USP38: variants seen among roughly 807,000 people sequenced by gnomAD.
The protein encoded by USP38 is ubiquitin specific peptidase 38, also known as ubiquitin carboxyl-terminal hydrolase 38.
A neutral mutation model predicts 94.3 loss-of-function variants in USP38; 49 were observed. That is an observed-to-expected ratio of 0.52 (90% CI 0.41 to 0.66). The LOEUF (loss-of-function observed/expected upper bound fraction) is 0.66, where lower values mean the gene tolerates loss of function less well. USP38 is among the 30% of genes least tolerant of loss of function. USP38 has a pLI of 0.00. For missense variants in USP38, 1,128 were observed against 1,229.4 expected (o/e 0.92, Z 1.23); for synonymous variants, 468 against 463.6 (o/e 1.01, Z -0.12).
intron 3 of USP38, among the ~76,000 whole-genome samples, chr4:143,196,832 A>G (rs908065609): frequency 2.0e-5 from 3 of 152,182 alleles, no homozygotes; most frequent in Non-Finnish European, 4.4e-5. Context: ...TCCCAGACCT[A>G]GAGGCTACTC....
intron 9 of USP38, among the ~76,000 whole-genome samples, chr4:143,218,198 A>G (rs1053775185): frequency 3.9e-5 from 6 of 152,062 alleles, no homozygotes; most frequent in African/African-American, 9.7e-5. Flanking sequence ...AGTATATTCA[A>G]TATATATGTG....
chr4:143,191,986 G>A (rs1731409647), intron 2 of USP38, among the ~76,000 whole-genome samples: 1 of 152,146 alleles, frequency 6.6e-6, no homozygotes, highest in Non-Finnish European at 1.5e-5. Flanking sequence ...AAATTGAAAC[G>A]GAACTGAAAT....
At chr4:143,200,836 C>G (rs918086442) in intron 4 of USP38, among the ~76,000 whole-genome samples, 5 of 152,072 alleles carry the variant, frequency 3.3e-5, no homozygotes, top group African/African-American at 1.2e-4. Context: ...TGAAAGATCT[C>G]TACAATGAGA....
intron 6 of USP38, 134 bp from the exon 7 acceptor site, chr4:143,209,430 C>A: frequency 2.0e-6 from 1 of 505,426 alleles, no homozygotes; most frequent in Non-Finnish European, 3.4e-6. Flanking sequence ...TTTGAGGTTT[C>A]GGTGAGCTGA....
chr4:143,192,459 C>T (rs35095943), intron 2 of USP38, among the ~76,000 whole-genome samples: 8,137 of 151,792 alleles, frequency 0.054, 293 homozygotes, highest in Non-Finnish European at 0.078. Context: ...CCACTGTGCC[C>T]GGCCTTCAGT....
intron 2 of USP38, among the ~76,000 whole-genome samples, chr4:143,193,889 C>G (rs1018595169): frequency 6.6e-6 from 1 of 152,110 alleles, no homozygotes; most frequent in African/African-American, 2.4e-5. Flanking sequence ...ATTTCAAGAC[C>G]AGCTCAGGCA....
At chr4:143,209,064 TA>T (rs1284015900) in intron 6 of USP38, among the ~76,000 whole-genome samples, 6 of 143,326 alleles carry the variant, frequency 4.2e-5, no homozygotes, top group African/African-American at 1.5e-4. Context: ...AATGACAGCA[TA>T]TTTTTTTATT....
chr4:143,212,510 C>T, intron 8 of USP38, 86 bp downstream of exon 8: 1 of 748,524 alleles, frequency 1.3e-6, no homozygotes. Flanking sequence ...CCTTTAAAAA[C>T]ATATTTCAAA....
At chr4:143,206,550 C>T (rs994315286) in intron 6 of USP38, among the ~76,000 whole-genome samples, 5 of 152,094 alleles carry the variant, frequency 3.3e-5, no homozygotes, top group African/African-American at 1.2e-4. Flanking sequence ...ATTAGCCAGG[C>T]GTGGTGGTGG....
rs200058703 is a variant in USP38 at position 143,212,278 on chromosome 4, A to G, written c.1498-40A>G. On this transcript the variant is annotated intron_variant, in intron 7 of 9. Transcript: ENST00000307017. ...ATTTCAGTTACTTGGTTCATGCTAT[A>G]AGAATCACTTCCTTATATTTTCTCA... 2.7e-6 allele frequency: 4 copies of G among 1,498,892 alleles called. No homozygotes were observed. The Admixed American group carries it at 7.4e-5, about 28-fold the overall frequency. The allele number at this position is 1,498,892 out of a possible 1,614,324, so 92.8% of individuals were successfully genotyped here.
chr4:143,223,696 C>G lies in USP38; in HGVS notation c.*3240C>G, dbSNP rs780765097. ...TGTACTTTGTTCCAGGTCTTTAATT[C>G]TCAGTCCATCTTTTCCTATGATTGT... On this transcript the variant is annotated 3_prime_UTR_variant, in exon 10 of 10. Transcript: ENST00000307017. 2.6e-5 allele frequency: 4 copies of G among 152,070 alleles called. No homozygotes were observed. The highest frequency in any genetic ancestry group is 2.9e-5 in the Non-Finnish European group (2 of 67,990). The allele number at this position is 152,070 out of a possible 1,614,324, so 9.4% of individuals were successfully genotyped here. A position where few individuals can be genotyped will look rare whatever the true frequency, so the allele number is the denominator to read the frequency against.
At chr4:143,207,029 C>T (rs1478301193) in intron 6 of USP38, among the ~76,000 whole-genome samples, 1 of 152,152 alleles carries the variant, frequency 6.6e-6, no homozygotes, top group Non-Finnish European at 1.5e-5. Context: ...TTTTCTTTTG[C>T]ACCTAAGCAA....
intron 2 of USP38, among the ~76,000 whole-genome samples, chr4:143,188,287 GTTTT>G (rs923967321): frequency 1.3e-5 from 2 of 149,542 alleles, no homozygotes; most frequent in African/African-American, 2.5e-5. Context: ...TTTCTTCTGC[GTTTT>G]TTTTTCTTTC....
chr4:143,195,517 C>T (rs1691858360), intron 2 of USP38, among the ~76,000 whole-genome samples, 199 bp from the exon 3 acceptor site: 1 of 152,158 alleles, frequency 6.6e-6, no homozygotes, highest in Admixed American at 6.5e-5. Context: ...ATATGAGAAA[C>T]TGTCAGTTTA....
At position 143,187,411 on chromosome 4, in the gene USP38, G is replaced by C. The variant is rs898861475; in HGVS notation, c.683-415G>C. 3.3e-5 allele frequency among the ~76,000 whole-genome samples: 5 copies of C among 151,914 alleles called. No homozygotes were observed. In the South Asian group the frequency reaches 1.0e-3, roughly 32 times the overall value. ...GATTTTTTCAAAATCTTCCTTAGAG[G>C]GATGTAATGATCAATAAGTTTAAAG... is the stretch of plus-strand genomic sequence containing the variant. On this transcript the variant is annotated intron_variant, in intron 1 of 9. Coordinates refer to ENST00000307017, the MANE Select transcript of USP38 (RefSeq NM_032557.6).
chr4:143,200,137 C>T (rs1286870659), intron 4 of USP38, among the ~76,000 whole-genome samples: 7 of 151,812 alleles, frequency 4.6e-5, no homozygotes, highest in South Asian at 2.1e-4. Context: ...TAATGAACAT[C>T]GATACAAAAA....
In USP38 at chr4:143,213,815, T is replaced by A; in HGVS notation, c.1839T>A (p.Phe613Leu). ...GTACCTCACAAAAAGTGGAAGCCTT[T>A]ACAGATCTTTCGCTTGCCTTTTGTC... is the stretch of plus-strand genomic sequence containing the variant. The part of the protein sequence containing the change: ...CRSTSQKVEA[F>L]TDLSLAFCPS... The change falls in exon 9 of 10, where the codon TTT becomes TTA. Residue 613 changes from phenylalanine (F) to leucine (L), a missense_variant. Transcript: ENST00000307017. 6.8e-6 allele frequency: 11 copies of A among 1,613,864 alleles called. No homozygotes were observed. Among genetic ancestry groups the A allele is most frequent in the Non-Finnish European group, 9.3e-6 (11 of 1,179,856 alleles).
Position 143,203,559 on chromosome 4 carries a change from C to A in USP38, c.1202C>A (p.Ala401Glu), listed in dbSNP as rs368028454. 3.1e-6 allele frequency: 5 copies of A among 1,609,264 alleles called. No individual in the cohort carries two copies. Among genetic ancestry groups the A allele is most frequent in the Non-Finnish European group, 3.4e-6 (4 of 1,178,544 alleles). The part of the protein sequence containing the change: ...FPDLYEPILE[A>E]IKDFPKPSEE... ...GATCTCTATGAACCTATTCTGGAGG[C>A]AATAAAGGTATGATGATAGTTGTAC... The change falls in exon 5 of 10, where the codon GCA becomes GAA. Residue 401 changes from alanine (A) to glutamate (E), a missense_variant. Coordinates refer to ENST00000307017, the MANE Select transcript of USP38 (RefSeq NM_032557.6).
Position 143,185,218 on chromosome 4 carries a change from G to A in USP38, c.-233G>A, listed in dbSNP as rs1731174323. On this transcript the variant is annotated 5_prime_UTR_variant, in exon 1 of 10. Transcript: ENST00000307017. ...CGGAGTACGGGCCTCTGGCGCCTTA[G>A]GCCAGCCGCAGGTGTCGGTTCTTAG... 2.0e-6 allele frequency: 1 copy of A among 503,186 alleles called. No individual in the cohort carries two copies. The highest frequency in any genetic ancestry group is 2.0e-5 in the African/African-American group (1 of 50,274). The allele number at this position is 503,186 out of a possible 1,614,324, so 31.2% of individuals were successfully genotyped here.
Sources: gnomAD v4.1 joint callset for allele counts (sites outside exome capture counted in the v4.1 genomes callset) on GRCh38, gnomAD v4.1.1 for gene constraint, MANE v1.5 for transcripts, NCBI Gene and HGNC (gene_info 2026-07-23, HGNC 2026-07-21) for gene names.